Variants in TYK2 observed in about 807,000 individuals in gnomAD.
The protein encoded by TYK2 is tyrosine kinase 2.
A neutral mutation model predicts 130.9 loss-of-function variants in TYK2; 65 were observed. That is an observed-to-expected ratio of 0.50 (90% CI 0.41 to 0.61). The LOEUF (loss-of-function observed/expected upper bound fraction) is 0.61, where lower values mean the gene tolerates loss of function less well. TYK2 is among the 20% of genes least tolerant of loss of function. The pLI is 0.00. For missense variants in TYK2, 1,378 were observed against 1,610.7 expected, an observed-to-expected ratio of 0.86 and a Z score of 2.47; for synonymous variants, 647 against 658.9, an observed-to-expected ratio of 0.98 and a Z score of 0.28.
intron 3 of TYK2, chr19:10,369,655 A>G (rs1227198913): frequency 2.7e-5 from 12 of 438,456 alleles, no homozygotes; most frequent in Admixed American, 1.0e-4. Context: ...ACCACCTTCA[A>G]ATGCAAACCT....
intron 15 of TYK2, among the ~76,000 whole-genome samples, chr19:10,358,379 C>T (rs1328484292): frequency 6.8e-6 from 1 of 146,734 alleles, no homozygotes; most frequent in Non-Finnish European, 1.5e-5. Flanking sequence ...TAGCTCACTG[C>T]AGCTTCAAAC....
Position 10,353,204 on chromosome 19 carries a change from G to T in TYK2, c.3028-106C>A. On this transcript the variant is annotated intron_variant, in intron 21 of 24. Coordinates refer to ENST00000525621, the MANE Select transcript of TYK2 (RefSeq NM_003331.5). This position sits in a 1 kb window ranked among gnomAD's most constrained non-coding sequence, Gnocchi z 6.9. ...GGCTGGGGGACAGTCAGGTCAGGCC[G>T]GTGGCTACCCGGCCGCTGGAGAGGG... The T allele has an allele frequency of 9.5e-7, 1 of 1,051,906 alleles. No homozygotes were observed. Among genetic ancestry groups the T allele is most frequent in the Non-Finnish European group, 1.3e-6 (1 of 771,624 alleles). The allele number at this position is 1,051,906 out of a possible 1,614,324, so 65.2% of individuals were successfully genotyped here. A position where few individuals can be genotyped will look rare whatever the true frequency, so the allele number is the denominator to read the frequency against.
At chr19:10,369,925 T>A (rs765322277) in intron 3 of TYK2, 29 of 336,684 alleles carry the variant, frequency 8.6e-5, no homozygotes, top group South Asian at 6.0e-4. Context: ...ATGCCTGTAG[T>A]CCCAGCTACT....
In TYK2 at chr19:10,359,357, C is replaced by T. The variant is rs557418604; in HGVS notation, c.2048-55G>A. Reference sequence around the variant, plus strand: ...CTGCCTGCTTCTGCCCTCTGGATGGCGGGGAATTGGGGGAGACGCCAGGGA... The same window carrying T: ...CTGCCTGCTTCTGCCCTCTGGATGGTGGGGAATTGGGGGAGACGCCAGGGA... On this transcript the variant is annotated intron_variant, in intron 14 of 24. Coordinates refer to ENST00000525621, the MANE Select transcript of TYK2 (RefSeq NM_003331.5). 45 of 1,594,812 alleles carry T rather than the reference C, an allele frequency of 2.8e-5. No homozygotes were observed. In the Admixed American group the frequency reaches 4.8e-4, roughly 17 times the overall value.
rs180730298 is a variant in TYK2 at position 10,361,164 on chromosome 19, T to C, written c.2047+347A>G. 11 of 517,688 alleles carry C rather than the reference T, an allele frequency of 2.1e-5. No individual in the cohort carries two copies. Among genetic ancestry groups the C allele is most frequent in the South Asian group, 2.0e-4 (11 of 54,522 alleles). 32.1% of individuals were successfully genotyped at this position (517,688 alleles called of 1,614,324 possible). A position where few individuals can be genotyped will look rare whatever the true frequency, so the allele number is the denominator to read the frequency against. ...ATCAGCACACATCAGCACTGGAGTC[T>C]GCCTGAGGCCATAGTGCTGATGGGG... is the stretch of plus-strand genomic sequence containing the variant. On this transcript the variant is annotated intron_variant, in intron 14 of 24. Transcript: ENST00000525621. The surrounding 1 kb of genome is among the most constrained non-coding windows in gnomAD (Gnocchi z 4.0).
At position 10,362,980 on chromosome 19, in the gene TYK2, GCCTCAACA is replaced by G. The variant is rs3074538; in HGVS notation, c.1368-331_1368-324del. Among the ~76,000 whole-genome samples, 14,112 of 151,968 alleles carry G rather than the reference GCCTCAACA, an allele frequency of 0.093. 728 individuals are homozygous for G. Among genetic ancestry groups the G allele is most frequent in the Middle Eastern group, 0.15 (44 of 292 alleles). ...CCACCTGGGTTCAAGCAATTCTCTT[GCCTCAACA>G]CCTCAACCTCCCGAGTAGCTGGGAT... On this transcript the variant is annotated intron_variant, in intron 9 of 24. Coordinates refer to ENST00000525621, the MANE Select transcript of TYK2 (RefSeq NM_003331.5).
intron 18 of TYK2, among the ~76,000 whole-genome samples, chr19:10,355,677 A>C (rs1022435699): frequency 6.7e-5 from 10 of 149,254 alleles, no homozygotes; most frequent in African/African-American, 2.2e-4. Context: ...AAAAAAAAGA[A>C]AATAGGTCAG....
At chr19:10,370,049 A>G (rs1351694877) in intron 3 of TYK2, among the ~76,000 whole-genome samples, 6 of 151,348 alleles carry the variant, frequency 4.0e-5, no homozygotes, top group Non-Finnish European at 8.8e-5. Flanking sequence ...GTCTCAAACA[A>G]CACAACAAAA....
At chr19:10,366,331 G>A (rs1023398594) in intron 6 of TYK2, 86 bp downstream of exon 6, 35 of 1,399,550 alleles carry the variant, frequency 2.5e-5, no homozygotes, top group African/African-American at 1.0e-4. Context: ...GTAGAGGCAC[G>A]GCAATATGCA....
At chr19:10,352,273 C>CAG (rs2040846118) in intron 23 of TYK2, among the ~76,000 whole-genome samples, 161 bp downstream of exon 23, 1 of 151,822 alleles carries the variant, frequency 6.6e-6, no homozygotes, top group African/African-American at 2.4e-5. Flanking sequence ...CGGGTTTCAC[C>CAG]GTGTTAGCCA....
chr19:10,372,484 A>ATATATATATAT (rs1390400916), intron 3 of TYK2, among the ~76,000 whole-genome samples: 2 of 37,438 alleles, frequency 5.3e-5, no homozygotes, highest in African/African-American at 2.6e-4. Context: ...ATATATATAT[A>ATATATATATAT]TTTTTTTTTT....
At position 10,367,645 on chromosome 19, in the gene TYK2, G is replaced by A. The variant is rs543523935; in HGVS notation, c.465+410C>T. 2.7e-5 allele frequency among the ~76,000 whole-genome samples: 4 copies of A among 150,170 alleles called. No homozygotes were observed. In the East Asian group the frequency reaches 8.0e-4, roughly 30 times the overall value. ...ATTTCAAAAAAAAAAGATCGGCTGG[G>A]AGCGGTGGCTCACGCCTGTAATCCC... On this transcript the variant is annotated intron_variant, in intron 5 of 24. Transcript: ENST00000525621.
chr19:10,370,728 G>A (rs753636580), intron 3 of TYK2, among the ~76,000 whole-genome samples: 2 of 150,270 alleles, frequency 1.3e-5, no homozygotes, highest in African/African-American at 2.5e-5. Flanking sequence ...TGAGGCAAGA[G>A]AATTGCTTGA....
At chr19:10,351,192 A>G (rs1332689780) in intron 23 of TYK2, 30 bp from the exon 24 acceptor site, 49 of 1,595,032 alleles carry the variant, frequency 3.1e-5, no homozygotes, top group East Asian at 6.7e-5. Flanking sequence ...AGCTCTTTTC[A>G]AGAGGCAATG....
rs1490056740 is a variant in TYK2, at chr19:10,368,343, A to G, written c.269T>C (p.Ile90Thr). The G allele has an allele frequency of 6.2e-7, 1 of 1,614,062 alleles. No individual in the cohort carries two copies. The highest frequency in any genetic ancestry group is 1.7e-5 in the Admixed American group (1 of 59,998). ...GCTTGCATCTCTGGGGATCTCTAGG[A>G]TGTGGTTTGGGGGCAACCAGACTTG... is the stretch of plus-strand genomic sequence containing the variant. ...QAQVWLPPNHILEIPRDASLM... is the reference protein window; with the variant it reads ...QAQVWLPPNHTLEIPRDASLM... Residue 90 changes from isoleucine (I) to threonine (T), a missense_variant, in exon 4 of 25, where the codon ATC becomes ACC. Physicochemically the swap from Ile to Thr is moderately conservative, Grantham distance 89 (BLOSUM62 -1). Coordinates refer to ENST00000525621, the MANE Select transcript of TYK2 (RefSeq NM_003331.5).
intron 19 of TYK2, 40 bp downstream of exon 19, chr19:10,354,472 G>A (rs753963253): frequency 6.9e-6 from 11 of 1,582,988 alleles, no homozygotes; most frequent in Non-Finnish European, 9.5e-6. Flanking sequence ...ACTCCTTCCC[G>A]ACCAGGCGGG....
intron 22 of TYK2, among the ~76,000 whole-genome samples, 160 bp from the exon 23 acceptor site, chr19:10,352,711 GCCGCTC>G (rs2040873677): frequency 6.7e-6 from 1 of 149,186 alleles, no homozygotes; most frequent in Non-Finnish European, 1.5e-5. Flanking sequence ...CATTGGCTAG[GCCGCTC>G]ATTGGCTAGG....
Position 10,353,400 on chromosome 19 carries a change from C to CAAG in TYK2, c.3027+125_3027+127dup. ...AAGCCAAACAGTTCGGAGGTCAGTG[C>CAAG]AAGGACAAGACAGCCTGGGCAAACG... On this transcript the variant is annotated intron_variant, in intron 21 of 24. Coordinates refer to ENST00000525621, the MANE Select transcript of TYK2 (RefSeq NM_003331.5). The surrounding 1 kb of genome is among the most constrained non-coding windows in gnomAD (Gnocchi z 6.9). 8 of 701,770 alleles carry CAAG rather than the reference C, an allele frequency of 1.1e-5. No homozygotes were observed. The highest frequency in any genetic ancestry group is 1.8e-5 in the Non-Finnish European group (8 of 440,540). 43.5% of individuals were successfully genotyped at this position (701,770 alleles called of 1,614,324 possible).
At position 10,361,955 on chromosome 19, in the gene TYK2, G is replaced by T. The variant is rs2041426344; in HGVS notation, c.1774C>A (p.Leu592Met). The change falls in exon 13 of 25, where the codon CTG becomes ATG. Residue 592 changes from leucine to methionine, a missense_variant and splice_region_variant. Physicochemically the swap from Leu to Met is conservative, Grantham distance 15. Coordinates refer to ENST00000525621, the MANE Select transcript of TYK2 (RefSeq NM_003331.5). This position sits in a 1 kb window ranked among gnomAD's most constrained non-coding sequence, Gnocchi z 4.0. ...CTTGTGCCCTGGCCCAAGTGGGACA[G>T]CTGCGGGATCATGTGGCACAGAATA... ...HRVDQKEITQ[L>M]SHLGQGTRTN... is the part of the protein sequence containing the mutation. 1 of 1,613,926 alleles carries T rather than the reference G, an allele frequency of 6.2e-7. No homozygotes were observed. The highest frequency in any genetic ancestry group is 1.3e-5 in the African/African-American group (1 of 74,908).
Sources: allele counts gnomAD v4.1 joint callset (sites outside exome capture counted in the v4.1 genomes callset), GRCh38; gene constraint gnomAD v4.1.1; non-coding constraint Gnocchi (gnomAD v3.1); transcripts MANE v1.5; gene names NCBI Gene and HGNC (gene_info 2026-07-23, HGNC 2026-07-21).